The following RIMS2 variants were observed in gnomAD, a reference collection of about 807,000 sequenced individuals.
RIMS2 encodes regulating synaptic membrane exocytosis 2, also known as regulating synaptic membrane exocytosis protein 2.
In RIMS2, 59 loss-of-function variants were observed where a neutral mutation model predicts 174.4. The observed-to-expected ratio is 0.34, with a 90% confidence interval of 0.27 to 0.42. The LOEUF (loss-of-function observed/expected upper bound fraction) is 0.42. Ranked by LOEUF, RIMS2 falls within the 10% of genes least tolerant of loss-of-function variation. RIMS2 has a pLI of 1.00. For missense variants in RIMS2, 1,620 were observed against 1,666.3 expected, an observed-to-expected ratio of 0.97 and a Z score of 0.48; for synonymous variants, 606 against 572.5, an observed-to-expected ratio of 1.06 and a Z score of -0.84.
intron 20 of RIMS2, among the ~76,000 whole-genome samples, chr8:104,246,201 T>C (rs991218357): frequency 1.3e-5 from 2 of 152,156 alleles, no homozygotes; most frequent in Non-Finnish European, 2.9e-5. Context: ...TACCTTCCAG[T>C]GGGCCAGTCA....
chr8:104,073,076 A>G (rs969887396), intron 19 of RIMS2, among the ~76,000 whole-genome samples: 29 of 152,206 alleles, frequency 1.9e-4, no homozygotes, highest in Non-Finnish European at 4.1e-4. Context: ...TATAAAATCA[A>G]CTTTCTTTCC....
chr8:104,150,579 G>C (rs1600037799), intron 19 of RIMS2, among the ~76,000 whole-genome samples: 1 of 152,242 alleles, frequency 6.6e-6, no homozygotes, highest in South Asian at 2.1e-4. Context: ...TCAAGTGGCT[G>C]CTAACTAGGT....
intron 19 of RIMS2, among the ~76,000 whole-genome samples, chr8:104,050,858 G>A (rs1018761940): frequency 3.9e-5 from 6 of 152,094 alleles, no homozygotes; most frequent in Non-Finnish European, 8.8e-5. Context: ...AGAACATAGT[G>A]AATTTATGAT....
intron 6 of RIMS2, among the ~76,000 whole-genome samples, chr8:103,915,082 G>A (rs2076406434): frequency 6.6e-6 from 1 of 151,850 alleles, no homozygotes; most frequent in Non-Finnish European, 1.5e-5. Flanking sequence ...TGAAAATTTG[G>A]TGGTATATCC....
chr8:103,768,895 G>T, intron 3 of RIMS2: 1 of 494,716 alleles, frequency 2.0e-6, no homozygotes, highest in Admixed American at 2.8e-5. Context: ...TTAGGAAGAG[G>T]CTGCAGAATA....
intron 19 of RIMS2, among the ~76,000 whole-genome samples, chr8:104,109,693 CA>C: frequency 6.6e-6 from 1 of 152,298 alleles, no homozygotes; most frequent in African/African-American, 2.4e-5. Flanking sequence ...AAACTTTCCT[CA>C]CACTTTTCCA....
At chr8:103,792,219 G>T (rs896056213) in intron 3 of RIMS2, among the ~76,000 whole-genome samples, 2 of 152,078 alleles carry the variant, frequency 1.3e-5, no homozygotes, top group Non-Finnish European at 2.9e-5. Flanking sequence ...ATAACAAACT[G>T]TCTCTCAGAC....
chr8:103,913,920 C>T (rs566768070), intron 6 of RIMS2, among the ~76,000 whole-genome samples: 22 of 152,220 alleles, frequency 1.4e-4, no homozygotes, highest in Non-Finnish European at 2.2e-4. Flanking sequence ...ATGAGATTTG[C>T]GCAGGGACAA....
chr8:103,981,724 T>C (rs547795338), intron 16 of RIMS2, among the ~76,000 whole-genome samples: 7 of 152,188 alleles, frequency 4.6e-5, no homozygotes, highest in Non-Finnish European at 8.8e-5. Context: ...TATTCTAGTG[T>C]TGAAATATGC....
intron 3 of RIMS2, among the ~76,000 whole-genome samples, chr8:103,830,042 C>A (rs1162729443): frequency 6.6e-6 from 1 of 151,890 alleles, no homozygotes; most frequent in East Asian, 1.9e-4. Context: ...TTATAAATTT[C>A]ATATTTCTTT....
chr8:103,980,016 A>G (rs2093760518), intron 16 of RIMS2, among the ~76,000 whole-genome samples: 1 of 152,106 alleles, frequency 6.6e-6, no homozygotes, highest in South Asian at 2.1e-4. Context: ...CACAAGGACT[A>G]CAACTCCTAG....
At chr8:104,235,866 T>G (rs1046842541) in intron 19 of RIMS2, among the ~76,000 whole-genome samples, 10 of 152,090 alleles carry the variant, frequency 6.6e-5, no homozygotes, top group African/African-American at 9.7e-5. Context: ...ATCCAATTTC[T>G]TCAGTTCAGT....
At chr8:103,542,740 A>T (rs999798233) in intron 1 of RIMS2, among the ~76,000 whole-genome samples, 1 of 152,202 alleles carries the variant, frequency 6.6e-6, no homozygotes, top group South Asian at 2.1e-4. Flanking sequence ...TAAATGTGAT[A>T]TACCACATTA....
intron 19 of RIMS2, among the ~76,000 whole-genome samples, chr8:104,228,317 C>G (rs529222983): frequency 6.6e-6 from 1 of 152,036 alleles, no homozygotes; most frequent in African/African-American, 2.4e-5. Flanking sequence ...CATGAGCCAC[C>G]GTGCCCGGCC....
chr8:103,817,113 T>C (rs1408453224), intron 3 of RIMS2, among the ~76,000 whole-genome samples: 1 of 152,188 alleles, frequency 6.6e-6, no homozygotes, highest in Non-Finnish European at 1.5e-5. Context: ...AAATTGACCT[T>C]TCAAAGGTGT....
chr8:103,981,329 C>T (rs1251506327), intron 16 of RIMS2, among the ~76,000 whole-genome samples: 2 of 152,166 alleles, frequency 1.3e-5, no homozygotes, highest in African/African-American at 2.4e-5. Context: ...TATCAAAGAC[C>T]ACCAAGGTGG....
chr8:104,246,289 C>A (rs1477540008), intron 20 of RIMS2, among the ~76,000 whole-genome samples: 1 of 152,134 alleles, frequency 6.6e-6, no homozygotes, highest in Non-Finnish European at 1.5e-5. Context: ...GCTTTGCAGT[C>A]ATATAGGTCT....
intron 19 of RIMS2, among the ~76,000 whole-genome samples, chr8:104,212,501 C>A (rs931045743): frequency 6.6e-6 from 1 of 152,096 alleles, no homozygotes; most frequent in Non-Finnish European, 1.5e-5. Flanking sequence ...AAGATAAGGA[C>A]CTGAAAGTCC....
chr8:104,207,320 T>A (rs2099085016), intron 19 of RIMS2, among the ~76,000 whole-genome samples: 1 of 152,178 alleles, frequency 6.6e-6, no homozygotes, highest in Admixed American at 6.5e-5. Context: ...AGAGGTGACA[T>A]TTAAAATACA....
Sources: allele counts gnomAD v4.1 joint callset (sites outside exome capture counted in the v4.1 genomes callset), GRCh38; gene constraint gnomAD v4.1.1; transcripts MANE v1.5; gene names NCBI Gene and HGNC (gene_info 2026-07-23, HGNC 2026-07-21).